DTHD1: variants seen among roughly 807,000 people sequenced by gnomAD.
DTHD1 encodes the protein death domain containing 1.
DTHD1 carries 59 observed loss-of-function variants against 74.8 expected under a neutral mutation model. The ratio of observed to expected loss-of-function variants is 0.79; its 90% CI spans 0.64 to 0.98. DTHD1 has a LOEUF of 0.98. Among genes scored for constraint, DTHD1 ranks in the 50% least tolerant of loss-of-function variants. The pLI is 0.00. For synonymous variants in DTHD1, 365 were observed against 371.1 expected (o/e 0.98, Z 0.19); for missense variants, 1,051 against 1,065.4 (o/e 0.99, Z 0.19).
At chr4:36,308,584 C>A in intron 7 of DTHD1, 91 bp downstream of exon 7, 1 of 1,051,540 alleles carries the variant, frequency 9.5e-7, no homozygotes, top group Non-Finnish European at 1.3e-6. Context: ...ACTAAGGAAA[C>A]CTTCAGAGGA....
At chr4:36,299,075 C>G (rs1427990151) in intron 5 of DTHD1, among the ~76,000 whole-genome samples, 1 of 152,152 alleles carries the variant, frequency 6.6e-6, no homozygotes, top group Non-Finnish European at 1.5e-5. Context: ...TTTGTCCTCA[C>G]CACAGTCACT....
intron 9 of DTHD1, 88 bp from the exon 10 acceptor site, chr4:36,343,414 G>A: frequency 7.9e-7 from 1 of 1,262,912 alleles, no homozygotes; most frequent in Non-Finnish European, 1.1e-6. Context: ...AGAGCAGGGA[G>A]ACTTCCTATA....
At position 36,346,613 on chromosome 4, in the gene DTHD1, C is replaced by A. The variant is rs16992129; in HGVS notation, c.*2789C>A. On this transcript the variant is annotated 3_prime_UTR_variant, in exon 10 of 10. Transcript: ENST00000639862. ...ACACCCTCAGTATTGATAGACACAC[C>A]CATACCTTTGCATACCCATTTCTCT... Among the ~76,000 whole-genome samples the A allele has an allele frequency of 2.0e-5, 3 of 151,980 alleles. No homozygotes were observed. The South Asian group carries it at 6.2e-4, about 32-fold the overall frequency.
rs1042634650 is a variant in DTHD1 at position 36,284,510 on chromosome 4, A to G, written c.806A>G (p.Asp269Gly). Residue 269 changes from aspartate (D) to glycine (G), a missense_variant, in exon 2 of 10, where the codon GAT becomes GGT. By Grantham distance (94) the Asp-to-Gly change is moderately conservative. Coordinates refer to ENST00000639862, the MANE Select transcript of DTHD1 (RefSeq NM_001170700.3). ...EEMTTSSIIC[D>G]ISKKYINSTL... Reference sequence around the variant, plus strand: ...ATGACCACATCCTCAATAATATGTGATATCTCCAAGAAATATATAAATAGT... The same window carrying G: ...ATGACCACATCCTCAATAATATGTGGTATCTCCAAGAAATATATAAATAGT... 2.0e-6 allele frequency: 3 copies of G among 1,536,406 alleles called. No individual in the cohort carries two copies. The highest frequency in any genetic ancestry group is 2.7e-5 in the African/African-American group (2 of 73,008).
At chr4:36,320,212 CTGAAAGAGTAAGCCTTTTTG>C (rs1019898881) in intron 8 of DTHD1, among the ~76,000 whole-genome samples, 4 of 152,022 alleles carry the variant, frequency 2.6e-5, no homozygotes, top group African/African-American at 9.7e-5. Flanking sequence ...TTTTATACAT[CTGAAAGAGTAAGCCTTTTTG>C]TGTCTCAGCC....
chr4:36,334,781 G>A (rs1035127444), intron 8 of DTHD1, among the ~76,000 whole-genome samples: 2 of 152,226 alleles, frequency 1.3e-5, no homozygotes, highest in African/African-American at 4.8e-5. Flanking sequence ...GCAGGAAATG[G>A]TGGAAGTAAT....
chr4:36,298,947 T>A (rs927797456), intron 5 of DTHD1, among the ~76,000 whole-genome samples: 1 of 152,150 alleles, frequency 6.6e-6, no homozygotes, highest in African/African-American at 2.4e-5. Context: ...TTATAAAATA[T>A]ATGTAAGTCA....
At chr4:36,331,367 G>A (rs61796637) in intron 8 of DTHD1, among the ~76,000 whole-genome samples, 34,189 of 151,894 alleles carry the variant, frequency 0.23, 4,218 homozygotes, top group Non-Finnish European at 0.25. Context: ...TTATGGCGAC[G>A]CTTACTTAGT....
rs573645293 is a variant in DTHD1 at position 36,312,273 on chromosome 4, T to C, written c.2095+3780T>C. Among the ~76,000 whole-genome samples, 6 of 151,782 alleles carry C rather than the reference T, an allele frequency of 4.0e-5. 1 individual carries two copies. The South Asian group carries it at 1.3e-3, about 32-fold the overall frequency. On this transcript the variant is annotated intron_variant, in intron 7 of 9. Coordinates refer to ENST00000639862, the MANE Select transcript of DTHD1 (RefSeq NM_001170700.3). ...CCCTGTGAGGTCTGCCTTTTAAAGTTGCCCTGAATGCCCTTTGGCCCAGGG... is the reference window on the plus strand; with the variant it reads ...CCCTGTGAGGTCTGCCTTTTAAAGTCGCCCTGAATGCCCTTTGGCCCAGGG...
chr4:36,284,319 A>G lies in DTHD1; in HGVS notation c.615A>G (p.Glu205=), dbSNP rs953125492. The stretch of plus-strand genomic sequence containing the variant: ...TGAATGGACGTGTACTGGGGCAAGA[A>G]GAGTCACAGAATAAAATGTTCCCAG... The part of the protein sequence containing the change: ...TSLNGRVLGQ[E]ESQNKMFPDN... The change falls in exon 2 of 10, where the codon GAA becomes GAG. Residue 205 remains glutamate, a synonymous_variant. Transcript: ENST00000639862. 4.6e-6 allele frequency: 7 copies of G among 1,537,242 alleles called. No individual in the cohort carries two copies. The highest frequency in any genetic ancestry group is 1.4e-5 in the African/African-American group (1 of 73,190).
chr4:36,318,612 C>CTTTTTT (rs397992934), intron 8 of DTHD1, among the ~76,000 whole-genome samples: 2,356 of 111,530 alleles, frequency 0.021, 3 homozygotes, highest in Non-Finnish European at 0.024. Context: ...TTTTTCTTTT[C>CTTTTTT]TTTTTTTTTT....
chr4:36,329,603 A>G (rs990112867), intron 8 of DTHD1, among the ~76,000 whole-genome samples: 3 of 152,256 alleles, frequency 2.0e-5, no homozygotes, highest in African/African-American at 7.2e-5. Flanking sequence ...ACTGAATGAT[A>G]TGACTCACAG....
At chr4:36,300,635 G>T (rs149694067) in intron 5 of DTHD1, among the ~76,000 whole-genome samples, 1 of 63,304 alleles carries the variant, frequency 1.6e-5, no homozygotes, top group Non-Finnish European at 3.3e-5. Flanking sequence ...TTACACTAAA[G>T]ATTATTCTAA....
At chr4:36,332,022 C>G (rs1287569294) in intron 8 of DTHD1, among the ~76,000 whole-genome samples, 1 of 152,006 alleles carries the variant, frequency 6.6e-6, no homozygotes, top group African/African-American at 2.4e-5. Context: ...TAGCTCATGC[C>G]TGTAACCTAA....
In DTHD1 at chr4:36,346,933, T is replaced by C. The variant is rs1759617570; in HGVS notation, c.*3109T>C. Among the ~76,000 whole-genome samples, 1 of 152,124 alleles carries C rather than the reference T, an allele frequency of 6.6e-6. No individual in the cohort carries two copies. Among genetic ancestry groups the C allele is most frequent in the Non-Finnish European group, 1.5e-5 (1 of 68,026 alleles). ...TGTTTGGAGTAACTGTGTTATTCCTTGCAGTTCCCCTACATCCTGCTCTCC... is the reference window on the plus strand; with the variant it reads ...TGTTTGGAGTAACTGTGTTATTCCTCGCAGTTCCCCTACATCCTGCTCTCC... On this transcript the variant is annotated 3_prime_UTR_variant, in exon 10 of 10. Transcript: ENST00000639862.
intron 1 of DTHD1, 27 bp downstream of exon 1, chr4:36,282,056 C>A (rs1273478202): frequency 6.6e-7 from 1 of 1,506,158 alleles, no homozygotes; most frequent in East Asian, 2.5e-5. Flanking sequence ...TTAGTTTATT[C>A]TTTCTCTAAG....
intron 5 of DTHD1, among the ~76,000 whole-genome samples, chr4:36,305,353 G>A (rs552222536): frequency 1.3e-5 from 2 of 152,208 alleles, no homozygotes; most frequent in South Asian, 2.1e-4. Context: ...ATGGTGGAAG[G>A]TGAAAGGCAT....
At chr4:36,297,365 A>G (rs1756493721) in intron 5 of DTHD1, among the ~76,000 whole-genome samples, 1 of 152,188 alleles carries the variant, frequency 6.6e-6, no homozygotes, top group Admixed American at 6.5e-5. Context: ...ACACCATATC[A>G]TCTATCTAGG....
chr4:36,337,701 G>A (rs1759088994), intron 8 of DTHD1, among the ~76,000 whole-genome samples: 1 of 152,026 alleles, frequency 6.6e-6, no homozygotes, highest in African/African-American at 2.4e-5. Context: ...AGTTTTATAT[G>A]CTTCCATGTT....
Sources: gnomAD v4.1 joint callset for allele counts (sites outside exome capture counted in the v4.1 genomes callset) on GRCh38, gnomAD v4.1.1 for gene constraint, MANE v1.5 for transcripts, NCBI Gene and HGNC (gene_info 2026-07-23, HGNC 2026-07-21) for gene names.